The following LYPLAL1 variants were observed in gnomAD, a reference collection of about 807,000 sequenced individuals.
LYPLAL1 encodes lysophospholipase-like protein 1.
A neutral mutation model predicts 19.7 loss-of-function variants in LYPLAL1; 23 were observed. The ratio of observed to expected loss-of-function variants is 1.17; its 90% CI spans 0.84 to 1.65. The LOEUF (loss-of-function observed/expected upper bound fraction) is 1.65, where lower values mean the gene tolerates loss of function less well. LYPLAL1 is among the 40% of genes most tolerant of loss of function. The pLI, the probability that LYPLAL1 is intolerant of heterozygous loss-of-function variation, is 0.00. For missense variants in LYPLAL1, 355 were observed against 279.4 expected (o/e 1.27, Z -1.93); for synonymous variants, 119 against 96.3 (o/e 1.24, Z -1.38).
At chr1:219,398,813 G>A in the LYPLAL1 span, among the ~76,000 whole-genome samples, 2 of 152,166 alleles carry the variant, frequency 1.3e-5, no homozygotes, top group African/African-American at 4.8e-5. Context: ...AAAGATTTTA[G>A]GGGGCCAGTG....
chr1:219,180,741 A>G (rs902985751), intron 2 of LYPLAL1, among the ~76,000 whole-genome samples: 1 of 152,238 alleles, frequency 6.6e-6, no homozygotes, highest in Non-Finnish European at 1.5e-5. Flanking sequence ...TGAAAACCTT[A>G]TTCTAGGAAT....
the LYPLAL1 span, among the ~76,000 whole-genome samples, chr1:219,292,503 G>C: frequency 6.6e-6 from 1 of 152,154 alleles, no homozygotes; most frequent in African/African-American, 2.4e-5. Context: ...GCCACCTTCT[G>C]CTGGTGCCCT....
At chr1:219,238,732 C>G in the LYPLAL1 span, among the ~76,000 whole-genome samples, 19 of 152,132 alleles carry the variant, frequency 1.2e-4, no homozygotes, top group African/African-American at 4.6e-4. Context: ...TAGGCCCTTA[C>G]TTTACCCATA....
At chr1:219,317,869 C>T in the LYPLAL1 span, among the ~76,000 whole-genome samples, 1 of 152,156 alleles carries the variant, frequency 6.6e-6, no homozygotes, top group Non-Finnish European at 1.5e-5. Context: ...GACCTTGCAG[C>T]CTTTAAGATC....
chr1:219,373,669 G>T, the LYPLAL1 span, among the ~76,000 whole-genome samples: 1 of 151,994 alleles, frequency 6.6e-6, no homozygotes, highest in Non-Finnish European at 1.5e-5. Context: ...TTACATTCAT[G>T]CTTCTGTTCA....
intron 2 of LYPLAL1, among the ~76,000 whole-genome samples, chr1:219,181,874 G>A (rs1035362057): frequency 6.6e-6 from 1 of 152,050 alleles, no homozygotes; most frequent in East Asian, 1.9e-4. Context: ...GTATCTCTAA[G>A]CACTTAGCAT....
chr1:219,258,521 C>T, the LYPLAL1 span, among the ~76,000 whole-genome samples: 5 of 151,944 alleles, frequency 3.3e-5, no homozygotes, highest in African/African-American at 9.7e-5. Flanking sequence ...TGCTCTTAAA[C>T]GTAAGGTATA....
chr1:219,415,245 G>A, the LYPLAL1 span, among the ~76,000 whole-genome samples: 5 of 152,194 alleles, frequency 3.3e-5, no homozygotes, highest in African/African-American at 1.2e-4. Flanking sequence ...CCAGGAAACA[G>A]TGGTTTCAAC....
chr1:219,225,872 C>T, the LYPLAL1 span, among the ~76,000 whole-genome samples: 2 of 152,206 alleles, frequency 1.3e-5, no homozygotes, highest in Non-Finnish European at 2.9e-5. Context: ...CATACACACA[C>T]ACCTGATGCT....
At chr1:219,375,004 A>G in the LYPLAL1 span, among the ~76,000 whole-genome samples, 1 of 152,220 alleles carries the variant, frequency 6.6e-6, no homozygotes, top group Admixed American at 6.5e-5. Flanking sequence ...GCTGCATCCC[A>G]GTATCTCCAC....
the LYPLAL1 span, among the ~76,000 whole-genome samples, chr1:219,340,597 C>G: frequency 6.6e-6 from 1 of 152,000 alleles, no homozygotes; most frequent in Non-Finnish European, 1.5e-5. Flanking sequence ...TAGAATTTTA[C>G]TGTTCTTCTC....
the LYPLAL1 span, among the ~76,000 whole-genome samples, chr1:219,250,074 G>A: frequency 3.3e-5 from 5 of 151,878 alleles, no homozygotes; most frequent in Non-Finnish European, 7.4e-5. Context: ...CTTTTGAGTA[G>A]CACCAGTGGT....
At chr1:219,295,364 A>C in the LYPLAL1 span, among the ~76,000 whole-genome samples, 1 of 152,096 alleles carries the variant, frequency 6.6e-6, no homozygotes, top group Non-Finnish European at 1.5e-5. Flanking sequence ...CCTCCCATAC[A>C]AGGAAATTTT....
At chr1:219,236,562 C>A in the LYPLAL1 span, among the ~76,000 whole-genome samples, 24 of 152,334 alleles carry the variant, frequency 1.6e-4, no homozygotes, top group South Asian at 4.8e-3. Flanking sequence ...AAAACTATAT[C>A]ACTTTATCTA....
the LYPLAL1 span, among the ~76,000 whole-genome samples, chr1:219,375,490 T>TAAA: frequency 0.061 from 2,270 of 37,398 alleles, 115 homozygotes; most frequent in Non-Finnish European, 0.094. Flanking sequence ...AAACTCCTTC[T>TAAA]AAAAAAAAAA....
chr1:219,222,731 C>G, the LYPLAL1 span: 1 of 152,104 alleles, frequency 6.6e-6, no homozygotes, highest in Admixed American at 6.5e-5. Flanking sequence ...TTAGTCTGTT[C>G]CCATTGCTAT....
the LYPLAL1 span, among the ~76,000 whole-genome samples, chr1:219,324,451 G>T: frequency 6.6e-6 from 1 of 152,270 alleles, no homozygotes; most frequent in African/African-American, 2.4e-5. Flanking sequence ...AAGAACAAAA[G>T]GTAGTGACTC....
chr1:219,410,696 C>A, the LYPLAL1 span, among the ~76,000 whole-genome samples: 1 of 152,186 alleles, frequency 6.6e-6, no homozygotes, highest in Non-Finnish European at 1.5e-5. Context: ...CACTTGCGGG[C>A]CAGCTGGAGT....
the LYPLAL1 span, chr1:219,222,336 C>T: frequency 3.3e-5 from 5 of 152,218 alleles, no homozygotes; most frequent in Admixed American, 2.6e-4. Context: ...ACCTCTTCAG[C>T]TTTGTAAACT....
Sources: allele counts gnomAD v4.1 joint callset (sites outside exome capture counted in the v4.1 genomes callset), GRCh38; gene constraint gnomAD v4.1.1; transcripts MANE v1.5; gene names NCBI Gene and HGNC (gene_info 2026-07-23, HGNC 2026-07-21).